The following TWSG1 variants were observed in gnomAD, a reference collection of about 807,000 sequenced individuals.
TWSG1 encodes twisted gastrulation BMP signaling modulator 1, also known as twisted gastrulation protein homolog 1.
Under a neutral mutation model 23.0 loss-of-function variants are expected in TWSG1, and 15 were observed. That is an observed-to-expected ratio of 0.65 (90% CI 0.44 to 1.00). The LOEUF (loss-of-function observed/expected upper bound fraction) is 1.00, where lower values mean the gene tolerates loss of function less well. Among genes scored for constraint, TWSG1 ranks in the 50% least tolerant of loss-of-function variants. The pLI is 0.00. For synonymous variants in TWSG1, 86 were observed against 92.8 expected (o/e 0.93, Z 0.42); for missense variants, 242 against 278.7 (o/e 0.87, Z 0.94).
rs201465680 is a variant in TWSG1, at chr18:9,359,991, C to T, written c.143C>T (p.Pro48Leu). The T allele has an allele frequency of 3.3e-5, 54 of 1,613,088 alleles. No homozygotes were observed. Among genetic ancestry groups the T allele is most frequent in the East Asian group, 4.5e-5 (2 of 44,866 alleles). Residue 48 changes from proline to leucine, a missense_variant, in exon 3 of 5, where the codon CCG becomes CTG. By Grantham distance (98) the Pro-to-Leu change is moderately conservative. Coordinates refer to ENST00000262120, the MANE Select transcript of TWSG1 (RefSeq NM_020648.6). ...TTCTAGGAGCTCTGCCAGTGCCGGC[C>T]GGGAGAAGGCAATTGCTCCTGCTGT... ...CLIQELCQCR[P>L]GEGNCSCCKE...
At chr18:9,340,544 T>G (rs899867622) in intron 2 of TWSG1, among the ~76,000 whole-genome samples, 1 of 152,190 alleles carries the variant, frequency 6.6e-6, no homozygotes, top group Non-Finnish European at 1.5e-5. Flanking sequence ...TGATCTTTAG[T>G]TTCCATGTGT....
intron 1 of TWSG1, among the ~76,000 whole-genome samples, 154 bp downstream of exon 1, chr18:9,335,074 G>C (rs2040415104): frequency 6.6e-6 from 1 of 151,842 alleles, no homozygotes; most frequent in African/African-American, 2.4e-5. Context: ...GGACAAAGTG[G>C]GGGTGCTGGG....
chr18:9,337,464 G>T, intron 2 of TWSG1, 112 bp downstream of exon 2: 1 of 1,014,600 alleles, frequency 9.9e-7, no homozygotes, highest in Non-Finnish European at 1.4e-6. Context: ...CTGAGTATTG[G>T]GTCAGGGCCT....
intron 3 of TWSG1, among the ~76,000 whole-genome samples, chr18:9,375,461 T>G (rs944661800): frequency 6.6e-6 from 1 of 152,182 alleles, no homozygotes; most frequent in Non-Finnish European, 1.5e-5. Context: ...TCACTGCTTT[T>G]CAACATCATA....
chr18:9,399,184 A>G (rs1199578993), intron 4 of TWSG1, among the ~76,000 whole-genome samples, 162 bp from the exon 5 acceptor site: 2 of 152,224 alleles, frequency 1.3e-5, no homozygotes, highest in Admixed American at 6.5e-5. Flanking sequence ...AACATAATTA[A>G]TAAATGAAGA....
intron 3 of TWSG1, among the ~76,000 whole-genome samples, chr18:9,369,373 A>G (rs2040594412): frequency 6.6e-6 from 1 of 151,930 alleles, no homozygotes; most frequent in African/African-American, 2.4e-5. Context: ...GGTTCAAGCA[A>G]TTCTCATGCC....
chr18:9,363,983 C>G (rs2040565505), intron 3 of TWSG1, among the ~76,000 whole-genome samples: 1 of 152,184 alleles, frequency 6.6e-6, no homozygotes, highest in Non-Finnish European at 1.5e-5. Flanking sequence ...ACTTAGATTT[C>G]ACTGATTGAC....
chr18:9,343,916 CTG>C (rs1433152644), intron 2 of TWSG1, among the ~76,000 whole-genome samples: 2 of 152,140 alleles, frequency 1.3e-5, no homozygotes, highest in Non-Finnish European at 2.9e-5. Flanking sequence ...AAGAGATAAA[CTG>C]TGTTACACAG....
intron 3 of TWSG1, among the ~76,000 whole-genome samples, chr18:9,394,773 T>TGCAC (rs2040727251): frequency 6.6e-6 from 1 of 152,110 alleles, no homozygotes; most frequent in South Asian, 2.1e-4. Context: ...CATGCATGCA[T>TGCAC]GCACACACAC....
At chr18:9,375,638 A>G (rs1411241562) in intron 3 of TWSG1, among the ~76,000 whole-genome samples, 1 of 152,252 alleles carries the variant, frequency 6.6e-6, no homozygotes, top group Non-Finnish European at 1.5e-5. Context: ...CAATTACAGT[A>G]AAGTTGCAGG....
At chr18:9,356,133 C>T (rs981319331) in intron 2 of TWSG1, among the ~76,000 whole-genome samples, 3 of 152,272 alleles carry the variant, frequency 2.0e-5, no homozygotes, top group Non-Finnish European at 2.9e-5. Flanking sequence ...TTATCTCTGT[C>T]GTTTCCCTCT....
At chr18:9,337,098 A>C in intron 1 of TWSG1, 95 bp from the exon 2 acceptor site, 1 of 1,123,766 alleles carries the variant, frequency 8.9e-7, no homozygotes, top group Non-Finnish European at 1.3e-6. Flanking sequence ...TATTGACACA[A>C]ACAATGAGTC....
At chr18:9,343,676 T>A (rs2040458486) in intron 2 of TWSG1, among the ~76,000 whole-genome samples, 2 of 152,222 alleles carry the variant, frequency 1.3e-5, no homozygotes, top group Non-Finnish European at 2.9e-5. Flanking sequence ...TTGTCTTTTG[T>A]GTCTGACTTC....
intron 1 of TWSG1, 117 bp from the exon 2 acceptor site, chr18:9,337,076 A>T: frequency 1.1e-6 from 1 of 938,080 alleles, no homozygotes; most frequent in Non-Finnish European, 1.6e-6. Context: ...TCTAAAAAAG[A>T]AAGAAAAAGT....
At chr18:9,393,542 A>C (rs2040721520) in intron 3 of TWSG1, among the ~76,000 whole-genome samples, 1 of 151,988 alleles carries the variant, frequency 6.6e-6, no homozygotes, top group African/African-American at 2.4e-5. Context: ...CTCCTTTTAA[A>C]ATTATTTTTA....
chr18:9,386,211 A>G (rs1270339046), intron 3 of TWSG1, among the ~76,000 whole-genome samples: 5 of 149,188 alleles, frequency 3.4e-5, no homozygotes, highest in Non-Finnish European at 5.9e-5. Flanking sequence ...TGTAATCCCA[A>G]CGTTTTGGGA....
At chr18:9,387,941 G>C (rs1002740550) in intron 3 of TWSG1, 1 of 152,168 alleles carries the variant, frequency 6.6e-6, no homozygotes, top group African/African-American at 2.4e-5. Context: ...TTCAGTTCAT[G>C]ATCAGGTTTC....
chr18:9,354,025 AT>A (rs2040513697), intron 2 of TWSG1, among the ~76,000 whole-genome samples: 1 of 152,224 alleles, frequency 6.6e-6, no homozygotes, highest in African/African-American at 2.4e-5. Context: ...AATCTAAAGA[AT>A]TATCTAAGTT....
chr18:9,376,887 T>G (rs541516509), intron 3 of TWSG1, among the ~76,000 whole-genome samples: 13 of 150,946 alleles, frequency 8.6e-5, no homozygotes, highest in South Asian at 6.3e-4. Context: ...GTACTGAACA[T>G]GTACAGAATT....
Sources: gnomAD v4.1 joint callset for allele counts (sites outside exome capture counted in the v4.1 genomes callset) on GRCh38, gnomAD v4.1.1 for gene constraint, MANE v1.5 for transcripts, NCBI Gene and HGNC (gene_info 2026-07-23, HGNC 2026-07-21) for gene names.